NME7: variants seen among roughly 807,000 people sequenced by gnomAD.
NME7 encodes nucleoside diphosphate kinase 7.
In NME7, 41 loss-of-function variants were observed where a neutral mutation model predicts 49.1. The observed-to-expected ratio is 0.83, with a 90% confidence interval of 0.65 to 1.08. NME7 has a LOEUF of 1.08. Ranked by LOEUF, NME7 falls within the 50% of genes least tolerant of loss-of-function variation. The pLI is 0.00. For synonymous variants in NME7, 139 were observed against 150.6 expected, an observed-to-expected ratio of 0.92 and a Z score of 0.56; for missense variants, 423 against 463.4, an observed-to-expected ratio of 0.91 and a Z score of 0.80.
At chr1:169,336,221 C>A (rs997017573) in intron 1 of NME7, among the ~76,000 whole-genome samples, 2 of 152,020 alleles carry the variant, frequency 1.3e-5, no homozygotes, top group African/African-American at 4.8e-5. Context: ...AGTGAAGCTG[C>A]AGATCTTCAC....
At chr1:169,144,455 C>G (rs1295907323) in intron 11 of NME7, among the ~76,000 whole-genome samples, 1 of 152,054 alleles carries the variant, frequency 6.6e-6, no homozygotes, top group Non-Finnish European at 1.5e-5. Context: ...GAGCAGATTT[C>G]ATATCTAACA....
intron 1 of NME7, among the ~76,000 whole-genome samples, chr1:169,336,070 T>G (rs1230950834): frequency 6.6e-6 from 1 of 151,990 alleles, no homozygotes; most frequent in African/African-American, 2.4e-5. Context: ...TGTTCGGAGT[T>G]TCTTCCTTCT....
At chr1:169,343,882 C>T (rs1201675765) in intron 1 of NME7, among the ~76,000 whole-genome samples, 1 of 152,134 alleles carries the variant, frequency 6.6e-6, no homozygotes, top group African/African-American at 2.4e-5. Context: ...GTTTAAAACA[C>T]CTTGGCTAAT....
intron 1 of NME7, among the ~76,000 whole-genome samples, chr1:169,364,255 A>T (rs774486265): frequency 1.7e-4 from 26 of 152,214 alleles, no homozygotes; most frequent in Non-Finnish European, 3.5e-4. Context: ...TCTATAAACA[A>T]ATAATTTCAA....
chr1:169,352,778 A>T (rs910711673), intron 1 of NME7, among the ~76,000 whole-genome samples: 5 of 152,068 alleles, frequency 3.3e-5, no homozygotes, highest in African/African-American at 1.2e-4. Flanking sequence ...GAACAATCTG[A>T]AAAAAAATTT....
At chr1:169,303,306 T>C in intron 4 of NME7, 111 bp from the exon 5 acceptor site, 1 of 440,872 alleles carries the variant, frequency 2.3e-6, no homozygotes. Flanking sequence ...TACTAATTTA[T>C]ATTTTAATTA....
intron 11 of NME7, among the ~76,000 whole-genome samples, chr1:169,139,766 C>A (rs1213045192): frequency 2.0e-5 from 3 of 152,198 alleles, no homozygotes; most frequent in Non-Finnish European, 4.4e-5. Flanking sequence ...CCAGAACTGT[C>A]AATTCCAGCT....
At chr1:169,174,073 T>TA (rs935724685) in intron 10 of NME7, among the ~76,000 whole-genome samples, 35 of 152,200 alleles carry the variant, frequency 2.3e-4, no homozygotes, top group Admixed American at 6.5e-5. Context: ...TTGGCTATGT[T>TA]ACAGCTCATC....
At chr1:169,304,864 T>C (rs1347091247) in intron 4 of NME7, among the ~76,000 whole-genome samples, 1 of 152,100 alleles carries the variant, frequency 6.6e-6, no homozygotes, top group East Asian at 1.9e-4. Context: ...AAAAAAGAGA[T>C]ACGTATATAC....
chr1:169,197,936 A>AATGGG (rs1426137337), intron 10 of NME7, among the ~76,000 whole-genome samples: 3 of 152,144 alleles, frequency 2.0e-5, no homozygotes, highest in African/African-American at 7.2e-5. Flanking sequence ...CAGCCCACAG[A>AATGGG]ATGGGAGAAA....
chr1:169,254,279 G>C (rs1042961016), intron 7 of NME7, among the ~76,000 whole-genome samples: 5 of 151,856 alleles, frequency 3.3e-5, no homozygotes, highest in East Asian at 2.0e-4. Context: ...ACTTCTTCCT[G>C]GTTTAGTCTT....
intron 10 of NME7, among the ~76,000 whole-genome samples, chr1:169,210,609 C>CACAA (rs3835445): frequency 6.6e-6 from 1 of 151,848 alleles, no homozygotes; most frequent in Non-Finnish European, 1.5e-5. Flanking sequence ...CACACACACA[C>CACAA]TCCATCAGAA....
rs1031670823 is a variant in NME7, at chr1:169,257,111, T to C, written c.755-19424A>G. On this transcript the variant is annotated intron_variant, in intron 7 of 11. Transcript: ENST00000367811. ...CTCCGCCCAGGTGGAGCTTCCTGGCTGCTTTGTTTACCTAATCAAGCCTGA... is the reference window on the plus strand; with the variant it reads ...CTCCGCCCAGGTGGAGCTTCCTGGCCGCTTTGTTTACCTAATCAAGCCTGA... Among the ~76,000 whole-genome samples the C allele has an allele frequency of 5.9e-5, 8 of 135,142 alleles. 2 individuals carry two copies. Among genetic ancestry groups the C allele is most frequent in the African/African-American group, 7.5e-5 (3 of 39,868 alleles). 88.7% of individuals were successfully genotyped at this position (135,142 alleles called of 152,430 possible). A position where few individuals can be genotyped will look rare whatever the true frequency, so the allele number is the denominator to read the frequency against.
intron 7 of NME7, among the ~76,000 whole-genome samples, chr1:169,273,898 T>G (rs542602762): frequency 0.032 from 4,071 of 128,790 alleles, 536 homozygotes; most frequent in African/African-American, 0.099. Flanking sequence ...TCTTTGCTAT[T>G]GTGAATAGTG....
chr1:169,220,712 T>C (rs1189938413), intron 10 of NME7, among the ~76,000 whole-genome samples: 2 of 152,194 alleles, frequency 1.3e-5, no homozygotes, highest in Non-Finnish European at 2.9e-5. Context: ...TCAATTTTCT[T>C]ATGTTAAAAT....
At chr1:169,163,573 T>C (rs2101836493) in intron 11 of NME7, among the ~76,000 whole-genome samples, 1 of 152,214 alleles carries the variant, frequency 6.6e-6, no homozygotes, top group Middle Eastern at 3.4e-3. Context: ...AGAACCTTAT[T>C]GAGACAATTG....
chr1:169,359,466 C>CTGTG (rs71557662), intron 1 of NME7, among the ~76,000 whole-genome samples: 2,208 of 151,168 alleles, frequency 0.015, 58 homozygotes, highest in African/African-American at 0.05. Context: ...ATATGTATCT[C>CTGTG]TGTGTGTGTG....
chr1:169,272,914 CA>C (rs1649540800), intron 7 of NME7, among the ~76,000 whole-genome samples: 1 of 133,528 alleles, frequency 7.5e-6, no homozygotes, highest in African/African-American at 2.5e-5. Context: ...CTCCCAGTAA[CA>C]GTGTAAAAGT....
At chr1:169,132,879 G>C (rs1183721927) in intron 11 of NME7, 62 bp from the exon 12 acceptor site, 1 of 1,407,588 alleles carries the variant, frequency 7.1e-7, no homozygotes, top group Non-Finnish European at 1.0e-6. Context: ...CCACTTAACA[G>C]AGTCCAAGAG....
Sources: allele counts gnomAD v4.1 joint callset (sites outside exome capture counted in the v4.1 genomes callset), GRCh38; gene constraint gnomAD v4.1.1; transcripts MANE v1.5; gene names NCBI Gene and HGNC (gene_info 2026-07-23, HGNC 2026-07-21).